WWOX: variants seen among roughly 807,000 people sequenced by gnomAD.
The protein encoded by WWOX is WW domain containing oxidoreductase.
In WWOX, 69 loss-of-function variants were observed where a neutral mutation model predicts 46.2. The ratio of observed to expected loss-of-function variants is 1.49; its 90% CI spans 1.23 to 1.82. The LOEUF is 1.82. WWOX is among the 40% of genes most tolerant of loss of function. The pLI, the probability that WWOX is intolerant of heterozygous loss-of-function variation, is 0.00. For synonymous variants in WWOX, 359 were observed against 202.6 expected (o/e 1.77, Z -6.56); for missense variants, 919 against 542.6 (o/e 1.69, Z -6.89).
chr16:78,790,893 C>T (rs2050579866), intron 8 of WWOX, among the ~76,000 whole-genome samples: 1 of 151,602 alleles, frequency 6.6e-6, no homozygotes, highest in Admixed American at 6.6e-5. Flanking sequence ...TTGGTGCTTG[C>T]TTGTGGTCCC....
At chr16:79,009,839 G>A (rs558019934) in intron 8 of WWOX, among the ~76,000 whole-genome samples, 1 of 152,276 alleles carries the variant, frequency 6.6e-6, no homozygotes, top group Admixed American at 6.5e-5. Flanking sequence ...TACCTATCAT[G>A]GGGGCTTCGA....
chr16:78,886,115 G>A (rs2044451648), intron 8 of WWOX, among the ~76,000 whole-genome samples: 2 of 151,662 alleles, frequency 1.3e-5, no homozygotes, highest in Non-Finnish European at 2.9e-5. Context: ...AGTAGAGACG[G>A]GGTGTCACCA....
chr16:78,563,477 A>G (rs1486638130), intron 8 of WWOX, among the ~76,000 whole-genome samples: 2 of 145,140 alleles, frequency 1.4e-5, no homozygotes, highest in Admixed American at 6.9e-5. Context: ...GGATACGGGC[A>G]CTCGTGTGGG....
At chr16:78,364,078 T>C (rs1237933991) in intron 5 of WWOX, among the ~76,000 whole-genome samples, 1 of 152,204 alleles carries the variant, frequency 6.6e-6, no homozygotes, top group Non-Finnish European at 1.5e-5. Context: ...AGGTTGAAGG[T>C]TCCTTCAGAG....
At chr16:79,116,262 C>T (rs973942793) in intron 8 of WWOX, among the ~76,000 whole-genome samples, 4 of 152,112 alleles carry the variant, frequency 2.6e-5, no homozygotes, top group Non-Finnish European at 4.4e-5. Context: ...AAGGATAAAG[C>T]TTGCTGCATG....
intron 8 of WWOX, among the ~76,000 whole-genome samples, chr16:78,850,593 G>C (rs1256919101): frequency 6.6e-6 from 1 of 152,050 alleles, no homozygotes; most frequent in Non-Finnish European, 1.5e-5. Context: ...ACGATTCCTT[G>C]GAGTTCCACT....
chr16:78,170,505 C>T (rs532151750), intron 5 of WWOX, among the ~76,000 whole-genome samples: 2 of 152,208 alleles, frequency 1.3e-5, no homozygotes, highest in Non-Finnish European at 2.9e-5. Flanking sequence ...TTAACCTCTC[C>T]AACTGGCTGA....
chr16:78,189,174 C>G (rs1417216458), intron 5 of WWOX, among the ~76,000 whole-genome samples: 1 of 152,128 alleles, frequency 6.6e-6, no homozygotes, highest in Non-Finnish European at 1.5e-5. Flanking sequence ...CGTGGCTTCT[C>G]AAGACTAGGA....
intron 5 of WWOX, among the ~76,000 whole-genome samples, chr16:78,319,209 G>A (rs1325687713): frequency 2.0e-5 from 3 of 152,084 alleles, no homozygotes; most frequent in Non-Finnish European, 4.4e-5. Context: ...GCAGCCTCTA[G>A]AAGGTGGAAA....
chr16:79,183,071 C>T (rs1464906447), intron 8 of WWOX, among the ~76,000 whole-genome samples: 4 of 152,218 alleles, frequency 2.6e-5, no homozygotes, highest in African/African-American at 7.2e-5. Flanking sequence ...GTGCTCTTCT[C>T]TGGCAACCCA....
chr16:79,193,402 A>G (rs543602810), intron 8 of WWOX, among the ~76,000 whole-genome samples: 4 of 152,148 alleles, frequency 2.6e-5, no homozygotes, highest in Admixed American at 6.5e-5. Context: ...TTTATTCTTT[A>G]TGCCTCACTG....
intron 8 of WWOX, among the ~76,000 whole-genome samples, chr16:79,153,225 A>G (rs562368630): frequency 9.9e-5 from 15 of 152,114 alleles, no homozygotes; most frequent in Non-Finnish European, 4.4e-5. Flanking sequence ...GTGGCTTGCG[A>G]AAAGATTCCA....
intron 5 of WWOX, among the ~76,000 whole-genome samples, chr16:78,179,072 G>T (rs115149246): frequency 6.6e-6 from 1 of 152,080 alleles, no homozygotes; most frequent in Non-Finnish European, 1.5e-5. Context: ...ACCATTTGTG[G>T]CATCCTCAAA....
intron 8 of WWOX, among the ~76,000 whole-genome samples, chr16:78,553,592 G>C (rs902040212): frequency 7.9e-5 from 12 of 152,148 alleles, no homozygotes; most frequent in African/African-American, 2.4e-4. Flanking sequence ...GCCTACAAGG[G>C]AGCAGGTTTT....
chr16:78,911,053 A>G lies in WWOX; in HGVS notation c.1057-300555A>G, dbSNP rs148285943. Among the ~76,000 whole-genome samples the G allele has an allele frequency of 3.2e-4, 48 of 151,482 alleles. No homozygotes were observed. The East Asian group carries it at 8.7e-3, about 27-fold the overall frequency. Reference sequence around the variant, plus strand: ...AAAATGGCTTTCCCACAGCCTGTCGACTTCCATCCCCATGTGTGGCTCTCC... The same window carrying G: ...AAAATGGCTTTCCCACAGCCTGTCGGCTTCCATCCCCATGTGTGGCTCTCC... On this transcript the variant is annotated intron_variant, in intron 8 of 8. Transcript: ENST00000566780.
At position 78,570,842 on chromosome 16, in the gene WWOX, G is replaced by A. The variant is rs188179043; in HGVS notation, c.1056+138090G>A. Among the ~76,000 whole-genome samples the A allele has an allele frequency of 5.6e-4, 85 of 152,300 alleles. 1 individual carries two copies. The highest frequency in any genetic ancestry group is 9.0e-4 in the Non-Finnish European group (61 of 68,026). ...AAATGAATGGCAGGGGAGAAGGCGGGCGGGGCAAGCTTTGGAAAGCACGGG... is the reference window on the plus strand; with the variant it reads ...AAATGAATGGCAGGGGAGAAGGCGGACGGGGCAAGCTTTGGAAAGCACGGG... On this transcript the variant is annotated intron_variant, in intron 8 of 8. Transcript: ENST00000566780.
chr16:78,454,562 A>G (rs944573839), intron 8 of WWOX, among the ~76,000 whole-genome samples: 9 of 152,084 alleles, frequency 5.9e-5, no homozygotes, highest in Non-Finnish European at 8.8e-5. Context: ...CTGCAGTGCA[A>G]TGGCACGATC....
intron 8 of WWOX, among the ~76,000 whole-genome samples, chr16:78,815,400 G>A (rs981053498): frequency 6.6e-6 from 1 of 151,788 alleles, no homozygotes; most frequent in Admixed American, 6.6e-5. Context: ...GTTACTAACT[G>A]GAGTACATTG....
chr16:78,371,520 A>G (rs1276018116), intron 5 of WWOX, among the ~76,000 whole-genome samples: 2 of 142,374 alleles, frequency 1.4e-5, no homozygotes, highest in Non-Finnish European at 3.0e-5. Context: ...TAAATATTCC[A>G]TTTTGTCTTT....
Sources: allele counts gnomAD v4.1 joint callset (sites outside exome capture counted in the v4.1 genomes callset), GRCh38; gene constraint gnomAD v4.1.1; transcripts MANE v1.5; gene names NCBI Gene and HGNC (gene_info 2026-07-23, HGNC 2026-07-21).